EMG1: variants seen among roughly 807,000 people sequenced by gnomAD.
EMG1 encodes ribosomal RNA small subunit methyltransferase NEP1.
In EMG1, 24 loss-of-function variants were observed where a neutral mutation model predicts 26.9. That is an observed-to-expected ratio of 0.89 (90% confidence interval 0.65 to 1.26). The LOEUF (loss-of-function observed/expected upper bound fraction) is 1.26, where lower values mean the gene tolerates loss of function less well. Ranked by LOEUF, EMG1 falls within the 50% of genes most tolerant of loss-of-function variation. The probability of loss-of-function intolerance (pLI) is 0.00; values close to 1 mark genes in which losing one functional copy is unlikely to be tolerated. For missense variants in EMG1, 299 were observed against 307.6 expected (o/e 0.97, Z 0.21); for synonymous variants, 140 against 112.6 (o/e 1.24, Z -1.54).
At position 6,977,002 on chromosome 12, in the gene EMG1, C is replaced by T. The variant is rs1021500697; in HGVS notation, c.*1193C>T. ...CTCAATAAGTCACAGTAGTCATTGC[C>T]CATACTGTGTTCCTTAGTAGCCAGG... On this transcript the variant is annotated 3_prime_UTR_variant, in exon 6 of 6. Transcript: ENST00000599672. This position sits in a 1 kb window ranked among gnomAD's most constrained non-coding sequence, Gnocchi z 4.5. The T allele has an allele frequency of 2.2e-5, 15 of 667,278 alleles. No homozygotes were observed. The highest frequency in any genetic ancestry group is 3.8e-5 in the Non-Finnish European group (14 of 370,600). 41.3% of individuals were successfully genotyped at this position (667,278 alleles called of 1,614,324 possible).
chr12:6,983,461 G>A, downstream of EMG1: 1 of 1,611,592 alleles, frequency 6.2e-7, no homozygotes, highest in Non-Finnish European at 8.5e-7. Flanking sequence ...TGAGAGGCCT[G>A]TAAAGGTATG....
At chr12:6,972,926 T>C (rs1335632414) in intron 1 of EMG1, among the ~76,000 whole-genome samples, 2 of 152,004 alleles carry the variant, frequency 1.3e-5, no homozygotes, top group Non-Finnish European at 2.9e-5. Flanking sequence ...CAGCCTCTAC[T>C]TCCCTGGCTC....
At chr12:6,988,338 A>C (rs1294879438), downstream of EMG1, 1 of 152,334 alleles carries the variant, frequency 6.6e-6, no homozygotes, top group Non-Finnish European at 1.5e-5. Context: ...CCTGGAAGCA[A>C]GCCGCCGTGG....
chr12:6,978,453 T>C lies in EMG1; in HGVS notation c.*2644T>C, dbSNP rs1946434394. 6.2e-7 allele frequency: 1 copy of C among 1,614,158 alleles called. No homozygotes were observed. The highest frequency in any genetic ancestry group is 8.5e-7 in the Non-Finnish European group (1 of 1,180,010). ...TTGGCACAGGCATCCCACTTTGCCTTGCCCTTTTCTTCAAAGCCATTGAAG... is the reference window on the plus strand; with the variant it reads ...TTGGCACAGGCATCCCACTTTGCCTCGCCCTTTTCTTCAAAGCCATTGAAG... On this transcript the variant is annotated 3_prime_UTR_variant, in exon 6 of 6. Transcript: ENST00000599672.
chr12:6,996,804 C>T (rs1162527177), intron 7 of EMG1, among the ~76,000 whole-genome samples: 1 of 152,154 alleles, frequency 6.6e-6, no homozygotes, highest in Admixed American at 6.5e-5. Context: ...AAATCAATCT[C>T]GACCACAGTG....
Position 6,979,189 on chromosome 12 carries a change from G to C in EMG1, c.*3380G>C. ...AGAATCAGAAGCTGCTGTGCTCTGA[G>C]GGGTCACGTGGATGTGATAAGGCAA... On this transcript the variant is annotated 3_prime_UTR_variant, in exon 6 of 6. Coordinates refer to ENST00000599672, the MANE Select transcript of EMG1 (RefSeq NM_006331.8). The C allele has an allele frequency of 2.1e-6, 1 of 478,480 alleles. No individual in the cohort carries two copies. Among genetic ancestry groups the C allele is most frequent in the South Asian group, 2.7e-5 (1 of 36,778 alleles). 29.6% of individuals were successfully genotyped at this position (478,480 alleles called of 1,614,324 possible). A position where few individuals can be genotyped will look rare whatever the true frequency, so the allele number is the denominator to read the frequency against.
At chr12:6,994,262 C>T (rs1227744866) in intron 7 of EMG1, among the ~76,000 whole-genome samples, 1 of 152,138 alleles carries the variant, frequency 6.6e-6, no homozygotes, top group Admixed American at 6.5e-5. Context: ...GGCTGAAGTG[C>T]AGTGGCATGA....
Position 6,975,738 on chromosome 12 carries a change from T to C in EMG1, c.664T>C (p.Tyr222His), listed in dbSNP as rs1476171611. ...AGAGAAGATGGTGTCCATCAGTAAC[T>C]ACCCCCTTTCTGCTGCCCTCACCTG... ...YTEKMVSISN[Y>H]PLSAALTCAK... is the part of the protein sequence containing the mutation. The change falls in exon 6 of 6, where the codon TAC becomes CAC. Residue 222 changes from tyrosine (Y) to histidine (H), a missense_variant. Coordinates refer to ENST00000599672, the MANE Select transcript of EMG1 (RefSeq NM_006331.8). 1 of 1,613,572 alleles carries C rather than the reference T, an allele frequency of 6.2e-7. No homozygotes were observed. Among genetic ancestry groups the C allele is most frequent in the East Asian group, 2.2e-5 (1 of 44,898 alleles).
Position 6,977,257 on chromosome 12 carries a change from A to G in EMG1, c.*1448A>G, listed in dbSNP as rs782273703. 20 of 1,613,014 alleles carry G rather than the reference A, an allele frequency of 1.2e-5. No homozygotes were observed. The Admixed American group carries it at 3.0e-4, about 24-fold the overall frequency. ...TGTGGCCAAGGAAATAGATGGATTT[A>G]TACACCTGTGGAGAGAGAGGCCACT... On this transcript the variant is annotated 3_prime_UTR_variant, in exon 6 of 6. Transcript: ENST00000599672. This position sits in a 1 kb window ranked among gnomAD's most constrained non-coding sequence, Gnocchi z 4.5.
At chr12:6,993,065 T>G (rs1946604214), downstream of EMG1, among the ~76,000 whole-genome samples, 1 of 152,206 alleles carries the variant, frequency 6.6e-6, no homozygotes, top group Non-Finnish European at 1.5e-5. Flanking sequence ...ATACACAGTT[T>G]CCTGGATTTT....
chr12:6,978,089 TA>T lies in EMG1; in HGVS notation c.*2282del. 1 of 569,262 alleles carries T rather than the reference TA, an allele frequency of 1.8e-6. No homozygotes were observed. 35.3% of individuals were successfully genotyped at this position (569,262 alleles called of 1,614,324 possible). ...TTGATAAACAGGGCAGTGGAGGACA[TA>T]AGTCCATTGGCAGAGCTGGAGTAAC... On this transcript the variant is annotated 3_prime_UTR_variant, in exon 6 of 6. Coordinates refer to ENST00000599672, the MANE Select transcript of EMG1 (RefSeq NM_006331.8).
downstream of EMG1, among the ~76,000 whole-genome samples, chr12:6,990,083 A>G (rs1273062029): frequency 1.3e-5 from 2 of 151,896 alleles, no homozygotes; most frequent in African/African-American, 4.8e-5. Flanking sequence ...AGGCTGAGGC[A>G]GGAGGATCAC....
At chr12:6,971,914 A>G (rs1242907836) in intron 1 of EMG1, among the ~76,000 whole-genome samples, 1 of 152,112 alleles carries the variant, frequency 6.6e-6, no homozygotes, top group Non-Finnish European at 1.5e-5. Context: ...CTTTCCCCAC[A>G]TGTAATAGAA....
intron 3 of EMG1, 139 bp from the exon 4 acceptor site, chr12:6,974,951 T>C: frequency 3.2e-6 from 3 of 934,838 alleles, no homozygotes; most frequent in Non-Finnish European, 5.1e-6. Flanking sequence ...CAACTGTTTG[T>C]TCCTAACATT....
rs782550075 is a variant in EMG1, at chr12:6,970,947, C to T, written c.24C>T (p.Phe8=). The T allele has an allele frequency of 1.9e-6, 3 of 1,613,142 alleles. No individual in the cohort carries two copies. Among genetic ancestry groups the T allele is most frequent in the South Asian group, 1.1e-5 (1 of 90,866 alleles). The stretch of plus-strand genomic sequence containing the variant: ...AGATGGCCGCGCCCAGTGATGGATT[C>T]AAGCCTCGTGAACGAAGCGGTGGGG... MAAPSDG[F]KPRERSGGEQ... Residue 8 remains phenylalanine, a synonymous_variant, in exon 1 of 6, where the codon TTC becomes TTT. Transcript: ENST00000599672.
rs782598176 is a variant in EMG1 at position 6,975,963 on chromosome 12, T to C, written c.*154T>C. 31 of 595,846 alleles carry C rather than the reference T, an allele frequency of 5.2e-5. No homozygotes were observed. Among genetic ancestry groups the C allele is most frequent in the African/African-American group, 5.0e-4 (27 of 54,102 alleles). The allele number at this position is 595,846 out of a possible 1,614,324, so 36.9% of individuals were successfully genotyped here. A position where few individuals can be genotyped will look rare whatever the true frequency, so the allele number is the denominator to read the frequency against. ...ATTTGCTATTTGTTTATCCTATGAA[T>C]ACTGTTCTTGCAAACCTGGTTGTTT... On this transcript the variant is annotated 3_prime_UTR_variant, in exon 6 of 6. Transcript: ENST00000599672.
At chr12:6,974,995 G>A (rs1946376063) in intron 3 of EMG1, 95 bp from the exon 4 acceptor site, 1 of 1,240,060 alleles carries the variant, frequency 8.1e-7, no homozygotes, top group Non-Finnish European at 1.2e-6. Context: ...AGCACACAGG[G>A]AACTCATCTT....
At chr12:6,982,274 A>G (rs1946478512), downstream of EMG1, among the ~76,000 whole-genome samples, 1 of 152,178 alleles carries the variant, frequency 6.6e-6, no homozygotes, top group African/African-American at 2.4e-5. Context: ...CCTGGGCTCA[A>G]GCAATCTGAC....
At chr12:6,971,645 T>C (rs1160357931) in intron 1 of EMG1, among the ~76,000 whole-genome samples, 4 of 152,226 alleles carry the variant, frequency 2.6e-5, no homozygotes, top group Non-Finnish European at 5.9e-5. Flanking sequence ...TCCAATTGGT[T>C]TACCAGGATT....
Sources: gnomAD v4.1 joint callset for allele counts (sites outside exome capture counted in the v4.1 genomes callset) on GRCh38, gnomAD v4.1.1 for gene constraint, Gnocchi (gnomAD v3.1) non-coding constraint, MANE v1.5 for transcripts, NCBI Gene and HGNC (gene_info 2026-07-23, HGNC 2026-07-21) for gene names.